SERGEF: variants seen among roughly 807,000 people sequenced by gnomAD.
SERGEF encodes secretion regulating guanine nucleotide exchange factor, also known as secretion-regulating guanine nucleotide exchange factor.
Under a neutral mutation model 50.0 loss-of-function variants are expected in SERGEF, and 51 were observed. That is an observed-to-expected ratio of 1.02 (90% confidence interval 0.81 to 1.29). SERGEF has a LOEUF of 1.29. Among genes scored for constraint, SERGEF ranks in the 50% most tolerant of loss-of-function variants. The pLI is 0.00. For synonymous variants in SERGEF, 205 were observed against 212.4 expected, an observed-to-expected ratio of 0.97 and a Z score of 0.30; for missense variants, 521 against 557.0, an observed-to-expected ratio of 0.94 and a Z score of 0.65.
intron 1 of SERGEF, among the ~76,000 whole-genome samples, chr11:18,012,278 C>A (rs964785964): frequency 3.0e-4 from 46 of 152,158 alleles, no homozygotes; most frequent in African/African-American, 1.1e-3. Context: ...CAAGACGCAG[C>A]GACTGCTTGT....
At chr11:17,935,968 A>G (rs140161059) in intron 9 of SERGEF, among the ~76,000 whole-genome samples, 1 of 152,200 alleles carries the variant, frequency 6.6e-6, no homozygotes, top group South Asian at 2.1e-4. Flanking sequence ...CTACCCATTC[A>G]GTCTTTATGT....
At chr11:17,964,903 GAACT>G (rs1390884193) in intron 8 of SERGEF, among the ~76,000 whole-genome samples, 3 of 152,192 alleles carry the variant, frequency 2.0e-5, no homozygotes, top group Non-Finnish European at 4.4e-5. Flanking sequence ...GTCAAACACA[GAACT>G]AACTGACCAA....
At chr11:17,873,994 G>T (rs1851198322) in intron 10 of SERGEF, among the ~76,000 whole-genome samples, 1 of 152,210 alleles carries the variant, frequency 6.6e-6, no homozygotes, top group Non-Finnish European at 1.5e-5. Flanking sequence ...AGCTGGATCT[G>T]GGGACCCTGC....
At chr11:17,877,945 T>G in intron 10 of SERGEF, 1 of 366,038 alleles carries the variant, frequency 2.7e-6, no homozygotes, top group Non-Finnish European at 4.9e-6. Flanking sequence ...AGCCTGTGAG[T>G]TCTTTAATAT....
At chr11:17,954,435 A>T (rs1268762808) in intron 9 of SERGEF, among the ~76,000 whole-genome samples, 2 of 152,182 alleles carry the variant, frequency 1.3e-5, no homozygotes, top group African/African-American at 4.8e-5. Context: ...CTCCTTCAGA[A>T]ATAACACTGT....
chr11:17,800,469 G>T (rs1849649358), intron 10 of SERGEF, among the ~76,000 whole-genome samples: 1 of 152,098 alleles, frequency 6.6e-6, no homozygotes, highest in Admixed American at 6.6e-5. Flanking sequence ...CTTTTCATCT[G>T]CCAGAGTTGC....
At chr11:17,916,012 G>T (rs1215171034) in intron 9 of SERGEF, among the ~76,000 whole-genome samples, 1 of 152,238 alleles carries the variant, frequency 6.6e-6, no homozygotes, top group Non-Finnish European at 1.5e-5. Flanking sequence ...TGGCCTTGCT[G>T]TGGGCAAACA....
intron 10 of SERGEF, among the ~76,000 whole-genome samples, chr11:17,873,877 A>G (rs923111273): frequency 1.3e-5 from 2 of 152,246 alleles, no homozygotes; most frequent in African/African-American, 4.8e-5. Flanking sequence ...CACATCAGGA[A>G]GAAGGCAAGC....
intron 10 of SERGEF, among the ~76,000 whole-genome samples, chr11:17,793,921 A>C (rs1849530079): frequency 6.6e-6 from 1 of 152,228 alleles, no homozygotes; most frequent in Non-Finnish European, 1.5e-5. Context: ...CAGGACTGGC[A>C]GGGTCCCTGG....
chr11:17,921,131 T>C (rs936950770), intron 9 of SERGEF, among the ~76,000 whole-genome samples: 1 of 152,190 alleles, frequency 6.6e-6, no homozygotes, highest in Non-Finnish European at 1.5e-5. Flanking sequence ...TTTGGCAAAG[T>C]GTAATTATTT....
chr11:17,820,826 C>A (rs990804040), intron 10 of SERGEF, among the ~76,000 whole-genome samples: 2 of 152,168 alleles, frequency 1.3e-5, no homozygotes, highest in Non-Finnish European at 2.9e-5. Context: ...GGAAATCTGA[C>A]ACACAGACAA....
At chr11:18,012,580 C>A in intron 1 of SERGEF, 1 of 1,177,338 alleles carries the variant, frequency 8.5e-7, no homozygotes, top group Non-Finnish European at 1.1e-6. Flanking sequence ...ACAGGTGGCC[C>A]CACGGAGCTC....
At chr11:17,968,632 A>G (rs973084746) in intron 8 of SERGEF, among the ~76,000 whole-genome samples, 5 of 151,988 alleles carry the variant, frequency 3.3e-5, no homozygotes, top group Admixed American at 2.0e-4. Flanking sequence ...TAAGCCTAGG[A>G]ATTCAAGGTT....
chr11:17,864,607 C>T (rs914636838), intron 10 of SERGEF, among the ~76,000 whole-genome samples: 3 of 152,264 alleles, frequency 2.0e-5, no homozygotes, highest in Admixed American at 6.5e-5. Flanking sequence ...GTGCCCCAAG[C>T]GGCCAGGTGT....
At chr11:17,967,171 G>A (rs1256976813) in intron 8 of SERGEF, among the ~76,000 whole-genome samples, 1 of 152,132 alleles carries the variant, frequency 6.6e-6, no homozygotes, top group African/African-American at 2.4e-5. Flanking sequence ...ATAGAGAGAG[G>A]TTATGTCTCT....
chr11:17,838,672 A>AATAAT (rs1389861286), intron 10 of SERGEF, among the ~76,000 whole-genome samples: 3 of 152,210 alleles, frequency 2.0e-5, no homozygotes, highest in Non-Finnish European at 4.4e-5. Context: ...GCTTATCTGT[A>AATAAT]AAACCGATAA....
At chr11:17,845,869 C>T (rs1850597959) in intron 10 of SERGEF, among the ~76,000 whole-genome samples, 1 of 152,174 alleles carries the variant, frequency 6.6e-6, no homozygotes, top group Non-Finnish European at 1.5e-5. Context: ...ATTTGCAGTT[C>T]TGATAGTCAC....
Position 18,004,426 on chromosome 11 carries a change from A to C in SERGEF, c.447+15T>G, listed in dbSNP as rs771294234. 11 of 1,595,632 alleles carry C rather than the reference A, an allele frequency of 6.9e-6. No homozygotes were observed. The highest frequency in any genetic ancestry group is 9.5e-6 in the Non-Finnish European group (11 of 1,163,886). ...TTAACAGGTCATGGGCAAGCTAAAT[A>C]TTAACTGTCCTCACCTCAATGGCCT... On this transcript the variant is annotated intron_variant, in intron 4 of 10. Coordinates refer to ENST00000265965, the MANE Select transcript of SERGEF (RefSeq NM_012139.4).
intron 10 of SERGEF, among the ~76,000 whole-genome samples, chr11:17,813,181 A>T (rs964897645): frequency 1.3e-5 from 2 of 152,360 alleles, no homozygotes; most frequent in African/African-American, 2.4e-5. Flanking sequence ...ACCAATTTCC[A>T]TACCAGTATC....
Sources: gnomAD v4.1 joint callset for allele counts (sites outside exome capture counted in the v4.1 genomes callset) on GRCh38, gnomAD v4.1.1 for gene constraint, MANE v1.5 for transcripts, NCBI Gene and HGNC (gene_info 2026-07-23, HGNC 2026-07-21) for gene names.